ATP2B2: variants seen among roughly 807,000 people sequenced by gnomAD.
ATP2B2 encodes ATPase plasma membrane Ca2+ transporting 2.
A neutral mutation model predicts 120.0 loss-of-function variants in ATP2B2; 15 were observed. The ratio of observed to expected loss-of-function variants is 0.12; its 90% CI spans 0.08 to 0.19. ATP2B2 has a LOEUF of 0.19. Ranked by LOEUF, ATP2B2 falls within the 10% of genes least tolerant of loss-of-function variation. The probability of loss-of-function intolerance (pLI) is 1.00; values close to 1 mark genes in which losing one functional copy is unlikely to be tolerated. For synonymous variants in ATP2B2, 694 were observed against 700.3 expected, an observed-to-expected ratio of 0.99 and a Z score of 0.14; for missense variants, 1,045 against 1,719.8, an observed-to-expected ratio of 0.61 and a Z score of 6.94.
intron 1 of ATP2B2, among the ~76,000 whole-genome samples, chr3:10,471,396 G>A (rs201308446): frequency 4.2e-4 from 62 of 146,588 alleles, no homozygotes; most frequent in Non-Finnish European, 7.2e-4. Flanking sequence ...GTGTGTGTGT[G>A]TGTTTGTGTG....
intron 2 of ATP2B2, among the ~76,000 whole-genome samples, chr3:10,586,140 G>A (rs553291861): frequency 9.2e-5 from 14 of 152,258 alleles, no homozygotes; most frequent in Admixed American, 4.6e-4. Flanking sequence ...ACTTCTGACC[G>A]AAGCCATGAT....
chr3:10,391,419 C>A (rs2061845281), intron 5 of ATP2B2, among the ~76,000 whole-genome samples: 1 of 152,190 alleles, frequency 6.6e-6, no homozygotes, highest in Non-Finnish European at 1.5e-5. Flanking sequence ...AGGTGGCAAC[C>A]AAGAGGCTGC....
chr3:10,695,251 G>GGAGAGAGAGAGA (rs140200422), intron 1 of ATP2B2, among the ~76,000 whole-genome samples: 28 of 126,968 alleles, frequency 2.2e-4, no homozygotes, highest in African/African-American at 8.8e-4. Context: ...AGGGAGGGAG[G>GGAGAGAGAGAGA]GAGAGAGAGA....
At chr3:10,466,488 C>T (rs911769979) in intron 1 of ATP2B2, among the ~76,000 whole-genome samples, 5 of 152,004 alleles carry the variant, frequency 3.3e-5, no homozygotes, top group Non-Finnish European at 7.4e-5. Context: ...GCAATTAGGC[C>T]GAACAGTTTT....
At chr3:10,451,013 C>T (rs1285065218) in intron 1 of ATP2B2, among the ~76,000 whole-genome samples, 1 of 152,184 alleles carries the variant, frequency 6.6e-6, no homozygotes, top group African/African-American at 2.4e-5. Flanking sequence ...CTGACCCCCT[C>T]CTCAGCTCCA....
chr3:10,351,328 A>G lies in ATP2B2; in HGVS notation c.2137-751T>C, dbSNP rs532469756. ...CAGCCTGGAGCTGGGGCACCCCTTT[A>G]TACACAACAGAAATCAATGGAACGA... On this transcript the variant is annotated intron_variant, in intron 14 of 22. Transcript: ENST00000360273. Among the ~76,000 whole-genome samples, 11 of 151,526 alleles carry G rather than the reference A, an allele frequency of 7.3e-5. No homozygotes were observed. In the East Asian group the frequency reaches 2.2e-3, roughly 30 times the overall value.
intron 1 of ATP2B2, among the ~76,000 whole-genome samples, chr3:10,496,302 ACCCCAGCTGCTGGGAGCTAGAG>A (rs2066144814): frequency 6.6e-6 from 1 of 151,910 alleles, no homozygotes; most frequent in Admixed American, 6.6e-5. Context: ...CAGCTTCCAC[ACCCCAGCTGCTGGGAGCTAGAG>A]CTCCCGGCTG....
At chr3:10,403,730 G>A (rs529726385) in intron 3 of ATP2B2, among the ~76,000 whole-genome samples, 1 of 152,234 alleles carries the variant, frequency 6.6e-6, no homozygotes, top group Non-Finnish European at 1.5e-5. Context: ...AAGGCCTGCT[G>A]TGCACCCAGC....
At chr3:10,395,994 G>A (rs960507185) in intron 5 of ATP2B2, among the ~76,000 whole-genome samples, 9 of 152,366 alleles carry the variant, frequency 5.9e-5, no homozygotes, top group African/African-American at 2.2e-4. Flanking sequence ...TCCCTGGAGG[G>A]TAGGAAGGTA....
intron 16 of ATP2B2, among the ~76,000 whole-genome samples, chr3:10,349,390 G>C (rs958437120): frequency 8.5e-5 from 13 of 152,144 alleles, no homozygotes; most frequent in Non-Finnish European, 1.5e-4. Context: ...AGGTGTTTGA[G>C]GTTGCAGTGA....
rs561500933 is a variant in ATP2B2 at position 10,658,207 on chromosome 3, C to A, written c.-459-38246G>T. The stretch of plus-strand genomic sequence containing the variant: ...GAGCACCTCTTCTCCTCCAAAGGAA[C>A]GCAGCTCCGCACCAGCAATGCAACA... On this transcript the variant is annotated intron_variant, in intron 1 of 21. Coordinates refer to the ATP2B2 transcript ENST00000646379. Among the ~76,000 whole-genome samples the A allele has an allele frequency of 2.0e-5, 3 of 151,382 alleles. No homozygotes were observed. The East Asian group carries it at 5.8e-4, about 29-fold the overall frequency.
chr3:10,665,080 T>C lies in ATP2B2; in HGVS notation c.-460+42835A>G, dbSNP rs1286908813. Among the ~76,000 whole-genome samples, 3 of 152,164 alleles carry C rather than the reference T, an allele frequency of 2.0e-5. No individual in the cohort carries two copies. The East Asian group carries it at 5.8e-4, about 29-fold the overall frequency. On this transcript the variant is annotated intron_variant, in intron 1 of 21. Coordinates refer to the ATP2B2 transcript ENST00000646379. ...TTGGGCTTCCTGTCCACCCCATCCC[T>C]TTACCATCTGATCTTTGAGGAATGA...
intron 1 of ATP2B2, among the ~76,000 whole-genome samples, chr3:10,693,098 C>T (rs1262847736): frequency 6.6e-6 from 1 of 152,210 alleles, no homozygotes; most frequent in Non-Finnish European, 1.5e-5. Context: ...GCCTGCCTGA[C>T]ACACTGTATC....
intron 2 of ATP2B2, among the ~76,000 whole-genome samples, chr3:10,421,467 C>T (rs1161594079): frequency 6.6e-6 from 1 of 152,198 alleles, no homozygotes; most frequent in Non-Finnish European, 1.5e-5. Context: ...CCCAGGTACA[C>T]AGAACACTCT....
At chr3:10,380,868 C>T (rs1024101307) in intron 8 of ATP2B2, among the ~76,000 whole-genome samples, 4 of 152,226 alleles carry the variant, frequency 2.6e-5, no homozygotes, top group African/African-American at 7.2e-5. Flanking sequence ...ATCACTTGCA[C>T]GGTTCAGCCT....
chr3:10,545,009 T>A (rs898561870), intron 2 of ATP2B2, among the ~76,000 whole-genome samples: 1 of 152,086 alleles, frequency 6.6e-6, no homozygotes, highest in African/African-American at 2.4e-5. Context: ...AATGAACCAA[T>A]AAACTGTAAT....
intron 2 of ATP2B2, among the ~76,000 whole-genome samples, chr3:10,550,181 G>A (rs2125510790): frequency 6.6e-6 from 1 of 152,314 alleles, no homozygotes; most frequent in Admixed American, 6.5e-5. Flanking sequence ...AGCAAGTGAA[G>A]ATCTGAGACC....
chr3:10,440,680 C>T (rs931929896), intron 2 of ATP2B2, among the ~76,000 whole-genome samples: 1 of 152,202 alleles, frequency 6.6e-6, no homozygotes, highest in African/African-American at 2.4e-5. Context: ...GATTTTGTCC[C>T]CAATCAGGTG....
At chr3:10,332,981 A>G (rs1270662670) in intron 22 of ATP2B2, among the ~76,000 whole-genome samples, 1 of 152,100 alleles carries the variant, frequency 6.6e-6, no homozygotes, top group Non-Finnish European at 1.5e-5. Flanking sequence ...GAGTGCACCA[A>G]TTCATTCCCT....
Sources: allele counts gnomAD v4.1 joint callset (sites outside exome capture counted in the v4.1 genomes callset), GRCh38; gene constraint gnomAD v4.1.1; transcripts MANE v1.5; gene names NCBI Gene and HGNC (gene_info 2026-07-23, HGNC 2026-07-21).